Variants in EFL1 observed in about 807,000 individuals in gnomAD.
EFL1 encodes elongation factor-like GTPase 1.
Under a neutral mutation model 126.7 loss-of-function variants are expected in EFL1, and 76 were observed. The observed-to-expected ratio is 0.60, with a 90% CI of 0.50 to 0.73. EFL1 has a LOEUF of 0.73. EFL1 is among the 30% of genes least tolerant of loss of function. The pLI, the probability that EFL1 is intolerant of heterozygous loss-of-function variation, is 0.00. For synonymous variants in EFL1, 410 were observed against 448.4 expected (o/e 0.91, Z 1.08); for missense variants, 1,128 against 1,343.2 (o/e 0.84, Z 2.50).
At chr15:82,196,123 G>A (rs995922016) in intron 15 of EFL1, among the ~76,000 whole-genome samples, 2 of 152,166 alleles carry the variant, frequency 1.3e-5, no homozygotes, top group African/African-American at 2.4e-5. Flanking sequence ...GAAGCATAGG[G>A]AGGTCAGAAG....
At chr15:82,227,605 A>C (rs1440073127) in intron 10 of EFL1, 33 bp from the exon 11 acceptor site, 1 of 1,613,538 alleles carries the variant, frequency 6.2e-7, no homozygotes. Flanking sequence ...GAAAACCTTG[A>C]GCCAGTGCCT....
In EFL1 at chr15:82,173,782, G is replaced by A. The variant is rs368395414; in HGVS notation, c.1751-9798C>T. ...ATTCCAAAATGTCAATAGTGGCTACGTCTGGATAGTGGGGTTAAAGGTCAT... is the reference window on the plus strand; with the variant it reads ...ATTCCAAAATGTCAATAGTGGCTACATCTGGATAGTGGGGTTAAAGGTCAT... On this transcript the variant is annotated intron_variant, in intron 15 of 19. Coordinates refer to ENST00000268206, the MANE Select transcript of EFL1 (RefSeq NM_024580.6). Among the ~76,000 whole-genome samples the A allele has an allele frequency of 1.2e-4, 18 of 152,232 alleles. No homozygotes were observed. In the East Asian group the frequency reaches 2.7e-3, roughly 23 times the overall value.
At position 82,138,777 on chromosome 15, in the gene EFL1, T is replaced by C. The variant is rs1567036829; in HGVS notation, c.3055A>G (p.Thr1019Ala). The C allele has an allele frequency of 6.2e-7, 1 of 1,614,064 alleles. No homozygotes were observed. ...ACAGCCTTGATGATGAACATGTCTG[T>C]CCCTTCTTTCATTTCTTCTTGAAGT... is the stretch of plus-strand genomic sequence containing the variant. ...RVLQEEMKEG[T>A]DMFIIKAVLP... Residue 1019 changes from threonine (T) to alanine (A), a missense_variant, in exon 19 of 20, where the codon ACA becomes GCA. Physicochemically the swap from Thr to Ala is moderately conservative, Grantham distance 58. This residue lies in a region of EFL1 where 561 missense variants were observed against 641.7 expected (regional missense o/e 0.87). Transcript: ENST00000268206.
intron 19 of EFL1, among the ~76,000 whole-genome samples, chr15:82,134,063 C>A (rs1296442152): frequency 6.6e-6 from 1 of 152,156 alleles, no homozygotes; most frequent in African/African-American, 2.4e-5. Context: ...TATTTCGAAC[C>A]ATTTATACCT....
At chr15:82,157,443 G>T in intron 17 of EFL1, 1 of 274,490 alleles carries the variant, frequency 3.6e-6, no homozygotes, top group East Asian at 6.8e-5. Flanking sequence ...TGTGTGTTTT[G>T]TGTACATGCT....
intron 16 of EFL1, among the ~76,000 whole-genome samples, chr15:82,161,089 A>C (rs2074018931): frequency 6.6e-6 from 1 of 152,204 alleles, no homozygotes; most frequent in Non-Finnish European, 1.5e-5. Context: ...GGGAAATTAG[A>C]GAAAGAAAAG....
At chr15:82,202,595 A>T (rs778922890) in intron 15 of EFL1, among the ~76,000 whole-genome samples, 11 of 152,154 alleles carry the variant, frequency 7.2e-5, no homozygotes, top group East Asian at 1.9e-4. Flanking sequence ...GAAACCAAGG[A>T]TCGGTGAGGC....
intron 14 of EFL1, among the ~76,000 whole-genome samples, chr15:82,218,645 T>C (rs1595989985): frequency 1.3e-5 from 2 of 152,282 alleles, no homozygotes; most frequent in East Asian, 1.9e-4. Flanking sequence ...TAAAAAATCA[T>C]AGATGAGTTT....
At chr15:82,218,038 T>C (rs1374475457) in intron 14 of EFL1, among the ~76,000 whole-genome samples, 2 of 152,164 alleles carry the variant, frequency 1.3e-5, no homozygotes, top group Non-Finnish European at 2.9e-5. Flanking sequence ...TTTAGTGAGC[T>C]TGGAAGCAGG....
At chr15:82,225,486 G>A (rs1247700322) in intron 11 of EFL1, among the ~76,000 whole-genome samples, 1 of 152,180 alleles carries the variant, frequency 6.6e-6, no homozygotes, top group South Asian at 2.1e-4. Flanking sequence ...GCAGAAATAA[G>A]AAAAGAAAAG....
At chr15:82,228,419 A>C (rs776079257) in intron 9 of EFL1, 92 bp from the exon 10 acceptor site, 48 of 1,451,842 alleles carry the variant, frequency 3.3e-5, no homozygotes, top group Non-Finnish European at 4.1e-5. Context: ...TTTTTACCCT[A>C]ATGTGTTACT....
intron 19 of EFL1, among the ~76,000 whole-genome samples, chr15:82,134,010 A>G (rs537863275): frequency 1.3e-5 from 2 of 152,316 alleles, no homozygotes; most frequent in East Asian, 3.9e-4. Context: ...TCTCCCTTCA[A>G]TGCCAGTTCC....
At position 82,241,277 on chromosome 15, in the gene EFL1, C is replaced by T. The variant is rs373734975; in HGVS notation, c.371G>A (p.Cys124Tyr). 7.4e-6 allele frequency: 12 copies of T among 1,613,750 alleles called. No individual in the cohort carries two copies. The African/African-American group carries it at 1.3e-4, about 18-fold the overall frequency. Residue 124 changes from cysteine to tyrosine, a missense_variant, in exon 5 of 20, where the codon TGT becomes TAT. Transcript: ENST00000268206. ...IIVVDAVEGV[C>Y]PQTQAVLRQA... Reference sequence around the variant, plus strand: ...CTCATCACAATCCATTACCTGTGGACAGACTCCTTCCACAGCATCTACCAC... The same window carrying T: ...CTCATCACAATCCATTACCTGTGGATAGACTCCTTCCACAGCATCTACCAC...
chr15:82,245,567 C>T (rs921672310), intron 4 of EFL1, among the ~76,000 whole-genome samples: 2 of 152,066 alleles, frequency 1.3e-5, no homozygotes, highest in Middle Eastern at 3.2e-3. Context: ...AAAGCTGACA[C>T]AGGTAACAGG....
At chr15:82,248,342 T>C (rs528745347) in intron 4 of EFL1, among the ~76,000 whole-genome samples, 13 of 152,182 alleles carry the variant, frequency 8.5e-5, no homozygotes, top group African/African-American at 3.1e-4. Context: ...GTTAGGACCA[T>C]GGGTAAACGT....
chr15:82,149,095 G>GT (rs1449190953), intron 18 of EFL1, among the ~76,000 whole-genome samples: 3 of 151,742 alleles, frequency 2.0e-5, no homozygotes, highest in Admixed American at 6.6e-5. Flanking sequence ...ATCAGACAAG[G>GT]ACACATGAAA....
intron 18 of EFL1, among the ~76,000 whole-genome samples, chr15:82,145,884 C>T (rs1214694846): frequency 6.8e-6 from 1 of 147,420 alleles, no homozygotes. Context: ...TTAACTAGTA[C>T]TGTCTAACAA....
intron 16 of EFL1, among the ~76,000 whole-genome samples, chr15:82,159,193 TAGTGTTAACTA>T (rs2073997555): frequency 6.6e-6 from 1 of 152,192 alleles, no homozygotes; most frequent in Non-Finnish European, 1.5e-5. Flanking sequence ...AGATATTATC[TAGTGTTAACTA>T]AGCCTTCACA....
chr15:82,253,356 T>C (rs1451976164), intron 3 of EFL1, among the ~76,000 whole-genome samples: 7 of 152,158 alleles, frequency 4.6e-5, no homozygotes, highest in African/African-American at 7.2e-5. Context: ...CTTTTTTTTT[T>C]TTTTAAGATG....
Sources: allele counts gnomAD v4.1 joint callset (sites outside exome capture counted in the v4.1 genomes callset), GRCh38; gene constraint gnomAD v4.1.1; regional missense constraint gnomAD v4.1.1; transcripts MANE v1.5; gene names NCBI Gene and HGNC (gene_info 2026-07-23, HGNC 2026-07-21).